The following NSMCE2 variants were observed in gnomAD, a reference collection of about 807,000 sequenced individuals.
NSMCE2 encodes the protein NSE2 SUMO ligase component of SMC5/6 complex.
Under a neutral mutation model 23.8 loss-of-function variants are expected in NSMCE2, and 24 were observed. The observed-to-expected ratio is 1.01, with a 90% CI of 0.73 to 1.42. The LOEUF (loss-of-function observed/expected upper bound fraction) is 1.42, where lower values mean the gene tolerates loss of function less well. Among genes scored for constraint, NSMCE2 ranks in the 40% most tolerant of loss-of-function variants. The probability of loss-of-function intolerance (pLI) is 0.00; values close to 1 mark genes in which losing one functional copy is unlikely to be tolerated. For missense variants in NSMCE2, 284 were observed against 296.5 expected (o/e 0.96, Z 0.31); for synonymous variants, 92 against 94.1 (o/e 0.98, Z 0.13).
At chr8:125,266,489 C>T (rs1049864618) in intron 5 of NSMCE2, among the ~76,000 whole-genome samples, 1 of 152,136 alleles carries the variant, frequency 6.6e-6, no homozygotes, top group African/African-American at 2.4e-5. Context: ...CTGTATTCAC[C>T]TTCTGGTGGG....
chr8:125,116,311 A>G (rs1325764992), intron 3 of NSMCE2, among the ~76,000 whole-genome samples: 1 of 152,248 alleles, frequency 6.6e-6, no homozygotes, highest in African/African-American at 2.4e-5. Flanking sequence ...ACAGGCTCAT[A>G]CACTGCTCAC....
intron 7 of NSMCE2, among the ~76,000 whole-genome samples, chr8:125,363,551 A>G: frequency 7.6e-6 from 1 of 131,622 alleles, no homozygotes; most frequent in African/African-American, 2.8e-5. Flanking sequence ...AAAGAGAGAG[A>G]GAGAGAGAGA....
chr8:125,332,315 A>G (rs1356128353), intron 5 of NSMCE2, among the ~76,000 whole-genome samples: 15 of 152,180 alleles, frequency 9.9e-5, no homozygotes, highest in Admixed American at 9.2e-4. Context: ...CTTCACTGTT[A>G]GATATTCTAG....
chr8:125,251,679 A>G (rs1235629241), intron 5 of NSMCE2, among the ~76,000 whole-genome samples: 1 of 152,248 alleles, frequency 6.6e-6, no homozygotes, highest in East Asian at 1.9e-4. Flanking sequence ...TGTCTTAGAC[A>G]ATGGAATAGT....
intron 3 of NSMCE2, among the ~76,000 whole-genome samples, chr8:125,133,623 C>A (rs1364301598): frequency 6.7e-6 from 1 of 149,756 alleles, no homozygotes; most frequent in Non-Finnish European, 1.5e-5. Flanking sequence ...CACCTGTAAT[C>A]CCCCCAGCTA....
At chr8:125,356,598 A>G (rs1348785114) in intron 5 of NSMCE2, among the ~76,000 whole-genome samples, 1 of 152,162 alleles carries the variant, frequency 6.6e-6, no homozygotes, top group Non-Finnish European at 1.5e-5. Flanking sequence ...AAGTGCTGGG[A>G]TTAAAGGCGT....
chr8:125,204,029 T>C (rs942682712), intron 5 of NSMCE2, among the ~76,000 whole-genome samples: 1 of 152,206 alleles, frequency 6.6e-6, no homozygotes, highest in African/African-American at 2.4e-5. Context: ...TTGTCTGTCT[T>C]AATCTGTTAT....
Position 125,128,829 on chromosome 8 carries a change from G to A in NSMCE2, c.158-22342G>A, listed in dbSNP as rs1332115521. ...CCTGCTTTTCTCTTTCATTAATAAC[G>A]GGCCTTGTGATTACATTAGGTCCAC... On this transcript the variant is annotated intron_variant, in intron 3 of 7. Coordinates refer to ENST00000287437, the MANE Select transcript of NSMCE2 (RefSeq NM_173685.4). Among the ~76,000 whole-genome samples, 8 of 151,952 alleles carry A rather than the reference G, an allele frequency of 5.3e-5. No individual in the cohort carries two copies. In the South Asian group the frequency reaches 6.2e-4, roughly 12 times the overall value.
chr8:125,210,775 G>A (rs1262847790), intron 5 of NSMCE2, among the ~76,000 whole-genome samples: 1 of 152,008 alleles, frequency 6.6e-6, no homozygotes, highest in Non-Finnish European at 1.5e-5. Context: ...GTGCAGTGGC[G>A]TGATCTCGGC....
chr8:125,365,621 C>T (rs1487696019), intron 7 of NSMCE2, among the ~76,000 whole-genome samples: 1 of 151,970 alleles, frequency 6.6e-6, no homozygotes, highest in Non-Finnish European at 1.5e-5. Context: ...TTTGGGAGGC[C>T]GAGGCAGGTG....
chr8:125,268,418 C>T (rs1266859627), intron 5 of NSMCE2, among the ~76,000 whole-genome samples: 1 of 151,988 alleles, frequency 6.6e-6, no homozygotes, highest in Non-Finnish European at 1.5e-5. Context: ...TTATCATGGG[C>T]TGCCTAGAGA....
rs181996135 is a variant in NSMCE2 at position 125,349,641 on chromosome 8, A to G, written c.419-7578A>G. On this transcript the variant is annotated intron_variant, in intron 5 of 7. Transcript: ENST00000287437. ...AATGTTCCAGCCTAATTGAAAAAGT[A>G]CATAGCAATCAAATTTTATTCCCAG... Among the ~76,000 whole-genome samples the G allele has an allele frequency of 7.2e-5, 11 of 152,296 alleles. No homozygotes were observed. In the East Asian group the frequency reaches 2.1e-3, roughly 29 times the overall value.
intron 5 of NSMCE2, among the ~76,000 whole-genome samples, chr8:125,274,932 A>G (rs1827384467): frequency 6.7e-6 from 1 of 149,174 alleles, no homozygotes; most frequent in African/African-American, 2.4e-5. Context: ...TCAGTCTCAA[A>G]AAAAAAAAAA....
At chr8:125,239,745 G>A (rs1038093270) in intron 5 of NSMCE2, among the ~76,000 whole-genome samples, 1 of 151,880 alleles carries the variant, frequency 6.6e-6, no homozygotes, top group Admixed American at 6.6e-5. Context: ...CATAACATTT[G>A]TAAAAATATA....
At chr8:125,331,584 C>T (rs1028520536) in intron 5 of NSMCE2, among the ~76,000 whole-genome samples, 22 of 150,474 alleles carry the variant, frequency 1.5e-4, no homozygotes, top group African/African-American at 5.3e-4. Context: ...AGTTTAAAAA[C>T]GATCTTTTTT....
At chr8:125,144,478 C>T (rs1820558346) in intron 3 of NSMCE2, among the ~76,000 whole-genome samples, 2 of 152,178 alleles carry the variant, frequency 1.3e-5, no homozygotes, top group Non-Finnish European at 2.9e-5. Flanking sequence ...TATGAACAGA[C>T]CTTAGACAAT....
intron 5 of NSMCE2, among the ~76,000 whole-genome samples, chr8:125,325,934 A>G (rs1245157867): frequency 1.3e-5 from 2 of 150,404 alleles, no homozygotes; most frequent in African/African-American, 4.9e-5. Context: ...CCTGGGCAAC[A>G]AGAGTGAAAC....
At chr8:125,130,289 T>C (rs1337300117) in intron 3 of NSMCE2, 1 of 455,918 alleles carries the variant, frequency 2.2e-6, no homozygotes, top group African/African-American at 2.0e-5. Flanking sequence ...GTCATCAACA[T>C]GACCAGTAAT....
chr8:125,355,813 A>C (rs1375840716), intron 5 of NSMCE2, among the ~76,000 whole-genome samples: 1 of 151,832 alleles, frequency 6.6e-6, no homozygotes, highest in Non-Finnish European at 1.5e-5. Context: ...CATCCCATTC[A>C]AATGTTGTCT....
Sources: gnomAD v4.1 joint callset for allele counts (sites outside exome capture counted in the v4.1 genomes callset) on GRCh38, gnomAD v4.1.1 for gene constraint, MANE v1.5 for transcripts, NCBI Gene and HGNC (gene_info 2026-07-23, HGNC 2026-07-21) for gene names.